The following TCF4 variants were observed in gnomAD, a reference collection of about 807,000 sequenced individuals.
TCF4 encodes SL3-3 enhancer factor 2.
Under a neutral mutation model 82.1 loss-of-function variants are expected in TCF4, and 3 were observed. The observed-to-expected ratio is 0.04, with a 90% CI of 0.02 to 0.09. The LOEUF is 0.09. Ranked by LOEUF, TCF4 falls within the 10% of genes least tolerant of loss-of-function variation. The probability of loss-of-function intolerance (pLI) is 1.00; values close to 1 mark genes in which losing one functional copy is unlikely to be tolerated. For missense variants in TCF4, 518 were observed against 852.7 expected, an observed-to-expected ratio of 0.61 and a Z score of 4.89; for synonymous variants, 276 against 309.6, an observed-to-expected ratio of 0.89 and a Z score of 1.14.
chr18:55,243,897 T>C (rs1424177464), intron 15 of TCF4, among the ~76,000 whole-genome samples: 1 of 152,182 alleles, frequency 6.6e-6, no homozygotes, highest in Non-Finnish European at 1.5e-5. Flanking sequence ...TTCTATTTAA[T>C]GGAGAAAGAC....
chr18:55,355,604 A>G (rs1328952934), intron 6 of TCF4, among the ~76,000 whole-genome samples: 1 of 152,162 alleles, frequency 6.6e-6, no homozygotes, highest in East Asian at 1.9e-4. Context: ...TCAAAGCTCA[A>G]AATTGAAGGT....
chr18:55,586,898 G>T, intron 2 of TCF4, 147 bp downstream of exon 2: 17 of 641,090 alleles, frequency 2.7e-5, no homozygotes, highest in East Asian at 3.3e-5. Flanking sequence ...TTAAAAACTT[G>T]TCAAAAAGAC....
intron 6 of TCF4, among the ~76,000 whole-genome samples, chr18:55,376,236 G>A (rs187063123): frequency 6.6e-6 from 1 of 152,040 alleles, no homozygotes; most frequent in African/African-American, 2.4e-5. Flanking sequence ...ATGTTGCCCA[G>A]GCTGGTCTTG....
At chr18:55,537,516 G>A (rs534836370) in intron 3 of TCF4, among the ~76,000 whole-genome samples, 8 of 151,946 alleles carry the variant, frequency 5.3e-5, no homozygotes, top group Non-Finnish European at 4.4e-5. Context: ...CTTGAGCCCA[G>A]GAGGGGGTCA....
At position 55,588,016 on chromosome 18, in the gene TCF4, C is replaced by A. The variant is rs938193679; in HGVS notation, c.-21+22G>T. On this transcript the variant is annotated intron_variant, in intron 1 of 19. Transcript: ENST00000354452. ...CGCCGGGCGCCTCCGCCCCGCCGAG[C>A]CCCGCAGGCGCCGGTACCTACCGCC... is the stretch of plus-strand genomic sequence containing the variant. The A allele has an allele frequency of 4.1e-4, 398 of 981,142 alleles. 2 individuals are homozygous for A. In the South Asian group the frequency reaches 7.7e-3, roughly 19 times the overall value. The allele number at this position is 981,142 out of a possible 1,614,324, so 60.8% of individuals were successfully genotyped here.
At chr18:55,621,877 A>G (rs868823224) in intron 2 of TCF4, among the ~76,000 whole-genome samples, 24 of 108,124 alleles carry the variant, frequency 2.2e-4, no homozygotes, top group African/African-American at 7.6e-4. Flanking sequence ...TACACTATAT[A>G]TAATATATAC....
chr18:55,510,572 T>C, intron 3 of TCF4: 2 of 1,493,148 alleles, frequency 1.3e-6, no homozygotes, highest in Non-Finnish European at 1.8e-6. Flanking sequence ...GTTACATAAA[T>C]ATTTACCTCT....
intron 3 of TCF4, among the ~76,000 whole-genome samples, chr18:55,480,561 T>C (rs144483240): frequency 1.3e-5 from 2 of 152,308 alleles, no homozygotes; most frequent in South Asian, 2.1e-4. Context: ...GACAGAGTGA[T>C]ACTAAATTTC....
intron 2 of TCF4, among the ~76,000 whole-genome samples, chr18:55,607,443 A>C (rs1487244812): frequency 1.3e-5 from 2 of 152,154 alleles, no homozygotes; most frequent in African/African-American, 2.4e-5. Flanking sequence ...AAAAAATGAT[A>C]ATTTCTACTG....
At chr18:55,472,228 G>A (rs990087701) in intron 3 of TCF4, among the ~76,000 whole-genome samples, 1 of 152,190 alleles carries the variant, frequency 6.6e-6, no homozygotes, top group Non-Finnish European at 1.5e-5. Context: ...ACAAAATGAA[G>A]TGGGTAACTG....
intron 3 of TCF4, among the ~76,000 whole-genome samples, chr18:55,507,469 T>C (rs906752160): frequency 3.3e-5 from 5 of 152,122 alleles, no homozygotes; most frequent in African/African-American, 9.7e-5. Context: ...TTAGGAGTTA[T>C]TTCTGGAATT....
intron 5 of TCF4, chr18:55,422,600 T>A (rs2094814725): frequency 9.9e-6 from 4 of 404,454 alleles, no homozygotes; most frequent in African/African-American, 8.8e-5. Flanking sequence ...TACCATTAAT[T>A]TGCATCTGGT....
At chr18:55,486,148 A>C (rs1056643285) in intron 3 of TCF4, among the ~76,000 whole-genome samples, 2 of 152,252 alleles carry the variant, frequency 1.3e-5, no homozygotes, top group Admixed American at 1.3e-4. Context: ...TTAGTTGAAG[A>C]GACAAAAAGT....
At chr18:55,577,398 C>A (rs2147706629) in intron 3 of TCF4, among the ~76,000 whole-genome samples, 1 of 151,580 alleles carries the variant, frequency 6.6e-6, no homozygotes, top group South Asian at 2.1e-4. Flanking sequence ...AGGGGACAAA[C>A]TGAAGCTATG....
intron 5 of TCF4, among the ~76,000 whole-genome samples, chr18:55,451,483 A>G (rs2095622191): frequency 6.6e-6 from 1 of 152,238 alleles, no homozygotes; most frequent in Non-Finnish European, 1.5e-5. Context: ...CTGAAGACCT[A>G]GAATCCACTG....
intron 3 of TCF4, among the ~76,000 whole-genome samples, chr18:55,480,345 G>T (rs963080055): frequency 6.7e-6 from 1 of 148,824 alleles, no homozygotes; most frequent in Non-Finnish European, 1.5e-5. Flanking sequence ...TACTGTTATG[G>T]TCATAGCATG....
chr18:55,489,265 T>C (rs1481492970), intron 3 of TCF4, among the ~76,000 whole-genome samples: 1 of 152,176 alleles, frequency 6.6e-6, no homozygotes, highest in Non-Finnish European at 1.5e-5. Flanking sequence ...CAGATTCTTC[T>C]AGATGGGGCC....
intron 5 of TCF4, among the ~76,000 whole-genome samples, chr18:55,426,746 C>CAAAGT (rs10641971): frequency 1 from 152,021 of 152,286 alleles, 75,880 homozygotes; most frequent in Middle Eastern, 1. Flanking sequence ...AGAGTATGCA[C>CAAAGT]AAATTAAACA....
chr18:55,510,684 T>A, intron 3 of TCF4: 2 of 1,467,646 alleles, frequency 1.4e-6, no homozygotes, highest in African/African-American at 2.8e-5. Flanking sequence ...GTTTGTGAAC[T>A]GAGACCTCCA....
Sources: allele counts gnomAD v4.1 joint callset (sites outside exome capture counted in the v4.1 genomes callset), GRCh38; gene constraint gnomAD v4.1.1; transcripts MANE v1.5; gene names NCBI Gene and HGNC (gene_info 2026-07-23, HGNC 2026-07-21).